LOC122539214: variants seen among roughly 807,000 people sequenced by gnomAD.
chr19:52,653,431 C>A, the LOC122539214 span: 1 of 800,074 alleles, frequency 1.2e-6, no homozygotes, highest in Non-Finnish European at 2.1e-6. Flanking sequence ...TCTGTTATGG[C>A]GTGAAAGGCA....
At chr19:52,669,011 C>A in the LOC122539214 span, among the ~76,000 whole-genome samples, 1 of 152,130 alleles carries the variant, frequency 6.6e-6, no homozygotes, top group Admixed American at 6.6e-5. Flanking sequence ...CTTAACATTC[C>A]TTGGAGACCT....
the LOC122539214 span, among the ~76,000 whole-genome samples, chr19:52,659,009 AC>A: frequency 5.9e-5 from 9 of 152,250 alleles, no homozygotes; most frequent in East Asian, 3.9e-4. Context: ...GCGATTGGGC[AC>A]CCAGCAGGAC....
At chr19:52,680,635 C>T in the LOC122539214 span, among the ~76,000 whole-genome samples, 12 of 101,318 alleles carry the variant, frequency 1.2e-4, no homozygotes, top group South Asian at 1.3e-3. Context: ...TTTTTTGAGA[C>T]GGAGTCTCGC....
At chr19:52,674,511 T>C in the LOC122539214 span, among the ~76,000 whole-genome samples, 1 of 152,196 alleles carries the variant, frequency 6.6e-6, no homozygotes, top group African/African-American at 2.4e-5. Context: ...GACACGATCC[T>C]CTGTGTAGAA....
the LOC122539214 span, among the ~76,000 whole-genome samples, chr19:52,685,786 T>G: frequency 6.6e-6 from 1 of 151,474 alleles, no homozygotes; most frequent in South Asian, 2.1e-4. Flanking sequence ...TAATCCCAGC[T>G]ACTCAGGAGG....
the LOC122539214 span, among the ~76,000 whole-genome samples, chr19:52,670,442 CCT>C: frequency 1.3e-5 from 2 of 152,120 alleles, no homozygotes; most frequent in Non-Finnish European, 2.9e-5. Flanking sequence ...ACCATTGCTC[CCT>C]CTGTGAGGGC....
the LOC122539214 span, chr19:52,653,272 T>A: frequency 2.0e-6 from 3 of 1,473,152 alleles, 1 homozygote; most frequent in South Asian, 3.4e-5. Flanking sequence ...ACATGCAAGG[T>A]GTGCTTTTTG....
the LOC122539214 span, among the ~76,000 whole-genome samples, chr19:52,676,473 C>T: frequency 2.0e-5 from 3 of 151,814 alleles, no homozygotes; most frequent in East Asian, 2.0e-4. Context: ...TGCCCCGGCC[C>T]GGCTAGCCTC....
At chr19:52,687,291 A>C in the LOC122539214 span, among the ~76,000 whole-genome samples, 2 of 144,598 alleles carry the variant, frequency 1.4e-5, no homozygotes, top group African/African-American at 5.1e-5. Context: ...GGATTTTGAG[A>C]CCAGCTTGGG....
the LOC122539214 span, chr19:52,655,407 G>C: frequency 2.7e-6 from 2 of 747,474 alleles, no homozygotes; most frequent in Admixed American, 4.7e-5. Context: ...CTAAGAAGCT[G>C]TCTATGACAG....
the LOC122539214 span, among the ~76,000 whole-genome samples, chr19:52,681,180 G>C: frequency 6.7e-6 from 1 of 148,250 alleles, no homozygotes; most frequent in East Asian, 2.1e-4. Flanking sequence ...AGCTACACAG[G>C]AAGCTGAGGT....
the LOC122539214 span, among the ~76,000 whole-genome samples, chr19:52,676,564 C>T: frequency 8.8e-3 from 1,330 of 151,948 alleles, 21 homozygotes; most frequent in Admixed American, 0.027. Flanking sequence ...CGCCTCTGCC[C>T]GGCCGCCCCT....
At chr19:52,660,210 C>G in the LOC122539214 span, among the ~76,000 whole-genome samples, 2 of 152,082 alleles carry the variant, frequency 1.3e-5, no homozygotes, top group East Asian at 3.9e-4. Context: ...AGAGAGGGCA[C>G]CTCTGCAGCT....
chr19:52,686,833 A>G, the LOC122539214 span, among the ~76,000 whole-genome samples: 1 of 152,040 alleles, frequency 6.6e-6, no homozygotes, highest in Non-Finnish European at 1.5e-5. Flanking sequence ...TCGGTCTCCC[A>G]AAGTGCTGGG....
the LOC122539214 span, among the ~76,000 whole-genome samples, chr19:52,670,335 G>A: frequency 6.6e-6 from 1 of 152,162 alleles, no homozygotes; most frequent in Non-Finnish European, 1.5e-5. Flanking sequence ...AGATTAGCCT[G>A]TGTGGTCTAA....
chr19:52,654,675 T>C, the LOC122539214 span, among the ~76,000 whole-genome samples: 1 of 152,032 alleles, frequency 6.6e-6, no homozygotes, highest in East Asian at 1.9e-4. Flanking sequence ...AGAGATCACA[T>C]CATTGCACTC....
At chr19:52,669,903 G>A in the LOC122539214 span, among the ~76,000 whole-genome samples, 14 of 152,066 alleles carry the variant, frequency 9.2e-5, no homozygotes, top group African/African-American at 2.7e-4. Context: ...AAATCAAACC[G>A]AATGACTAAG....
chr19:52,683,268 G>GTA, the LOC122539214 span, among the ~76,000 whole-genome samples: 1 of 101,052 alleles, frequency 9.9e-6, no homozygotes, highest in South Asian at 2.8e-4. Context: ...GTGTGTGTGT[G>GTA]TGTGTGTGTG....
the LOC122539214 span, chr19:52,652,070 C>G: frequency 4.2e-6 from 1 of 240,002 alleles, no homozygotes. Flanking sequence ...AAAGACATTG[C>G]CACACCTATT....
Sources: allele counts gnomAD v4.1 joint callset (sites outside exome capture counted in the v4.1 genomes callset), GRCh38; gene constraint gnomAD v4.1.1; transcripts MANE v1.5.